PRMT7: variants seen among roughly 807,000 people sequenced by gnomAD.
PRMT7 encodes the protein protein arginine N-methyltransferase 7.
Under a neutral mutation model 85.4 loss-of-function variants are expected in PRMT7, and 75 were observed. The ratio of observed to expected loss-of-function variants is 0.88; its 90% CI spans 0.73 to 1.06. The LOEUF is 1.06. Ranked by LOEUF, PRMT7 falls within the 50% of genes least tolerant of loss-of-function variation. The pLI, the probability that PRMT7 is intolerant of heterozygous loss-of-function variation, is 0.00. For missense variants in PRMT7, 868 were observed against 915.2 expected, an observed-to-expected ratio of 0.95 and a Z score of 0.67; for synonymous variants, 397 against 359.5, an observed-to-expected ratio of 1.10 and a Z score of -1.18.
At chr16:68,347,609 A>G in intron 12 of PRMT7, 22 bp from the exon 13 acceptor site, 1 of 1,608,912 alleles carries the variant, frequency 6.2e-7, no homozygotes, top group Non-Finnish European at 8.5e-7. Context: ...TCTTACAACT[A>G]ATAGCGTGGT....
chr16:68,328,153 G>C, intron 5 of PRMT7: 2 of 303,602 alleles, frequency 6.6e-6, no homozygotes, highest in African/African-American at 2.2e-5. Flanking sequence ...AATCCTCCAC[G>C]CTGACTTCTG....
chr16:68,342,085 C>T (rs1488532673), intron 9 of PRMT7, among the ~76,000 whole-genome samples: 1 of 152,130 alleles, frequency 6.6e-6, no homozygotes, highest in Non-Finnish European at 1.5e-5. Context: ...CGAGACCAGC[C>T]TGGCCAACAT....
chr16:68,312,508 T>C (rs1019678192), intron 2 of PRMT7, among the ~76,000 whole-genome samples: 1 of 152,068 alleles, frequency 6.6e-6, no homozygotes. Context: ...AGTGCTGGGA[T>C]CACAGGTGTG....
chr16:68,356,812 C>G lies in PRMT7; in HGVS notation c.1908+15C>G. The G allele has an allele frequency of 6.3e-7, 1 of 1,595,712 alleles. No individual in the cohort carries two copies. Among genetic ancestry groups the G allele is most frequent in the Non-Finnish European group, 8.5e-7 (1 of 1,171,900 alleles). On this transcript the variant is annotated intron_variant, in intron 18 of 18. Transcript: ENST00000441236. ...CAGACCCCGAGGTAGTGCCTGCGCA[C>G]CGGGCCCAGTGTGCGTGCAGACCCT...
chr16:68,319,705 A>C (rs1244004689), intron 3 of PRMT7, among the ~76,000 whole-genome samples: 1 of 50,766 alleles, frequency 2.0e-5, no homozygotes, highest in Non-Finnish European at 3.8e-5. Flanking sequence ...TCTCAATAAG[A>C]GTGAGAGTGT....
chr16:68,348,169 T>C (rs889198181), intron 13 of PRMT7, among the ~76,000 whole-genome samples, 173 bp from the exon 14 acceptor site: 24 of 152,184 alleles, frequency 1.6e-4, no homozygotes, highest in Non-Finnish European at 3.2e-4. Flanking sequence ...TCATCCGTGG[T>C]CTATAGGATG....
In PRMT7 at chr16:68,341,877, C is replaced by G. The variant is rs958137873; in HGVS notation, c.927+1909C>G. Among the ~76,000 whole-genome samples the G allele has an allele frequency of 4.6e-5, 7 of 152,216 alleles. 1 individual carries two copies. The highest frequency in any genetic ancestry group is 1.5e-5 in the Non-Finnish European group (1 of 68,044). On this transcript the variant is annotated intron_variant, in intron 9 of 18. Coordinates refer to ENST00000441236, the MANE Select transcript of PRMT7 (RefSeq NM_019023.5). ...TCAGGGAAGGTTGCAGATCTTGTGA[C>G]CTAACAATGGCTTCACCTTAGCAGA... is the stretch of plus-strand genomic sequence containing the variant.
At chr16:68,356,957 C>T in intron 18 of PRMT7, 97 bp from the exon 19 acceptor site, 1 of 1,439,464 alleles carries the variant, frequency 6.9e-7, no homozygotes, top group Non-Finnish European at 9.4e-7. Context: ...CCCTGAGCAG[C>T]TTCTCTCTGC....
At position 68,357,848 on chromosome 16, in the gene PRMT7, C is replaced by A. The variant is rs2088877214; in HGVS notation, c.*624C>A. 6.6e-6 allele frequency: 1 copy of A among 152,484 alleles called. No homozygotes were observed. The highest frequency in any genetic ancestry group is 2.1e-4 in the South Asian group (1 of 4,840). 9.4% of individuals were successfully genotyped at this position (152,484 alleles called of 1,614,324 possible). Reference sequence around the variant, plus strand: ...TGGCCTGCCAGGACCTGAGACTGGACACAAGGCAGCTGTCCCAGAGCAGTT... The same window carrying A: ...TGGCCTGCCAGGACCTGAGACTGGAAACAAGGCAGCTGTCCCAGAGCAGTT... On this transcript the variant is annotated 3_prime_UTR_variant, in exon 19 of 19. Coordinates refer to ENST00000441236, the MANE Select transcript of PRMT7 (RefSeq NM_019023.5).
intron 3 of PRMT7, among the ~76,000 whole-genome samples, chr16:68,317,481 T>C (rs1279926725): frequency 6.6e-6 from 1 of 152,046 alleles, no homozygotes; most frequent in Non-Finnish European, 1.5e-5. Context: ...GGCAGGAGGA[T>C]TGCTTATGCC....
At chr16:68,356,517 G>A (rs545894514) in intron 17 of PRMT7, among the ~76,000 whole-genome samples, 184 bp from the exon 18 acceptor site, 19 of 152,368 alleles carry the variant, frequency 1.2e-4, no homozygotes, top group African/African-American at 4.6e-4. Context: ...TGGGGGCTTG[G>A]CTGCGGCTCT....
At chr16:68,344,328 G>A (rs907720494) in intron 9 of PRMT7, among the ~76,000 whole-genome samples, 1 of 152,124 alleles carries the variant, frequency 6.6e-6, no homozygotes, top group African/African-American at 2.4e-5. Context: ...AATTATGAGC[G>A]AAATAAACCT....
intron 6 of PRMT7, among the ~76,000 whole-genome samples, chr16:68,332,106 T>C (rs374047762): frequency 2.6e-4 from 40 of 152,358 alleles, no homozygotes; most frequent in African/African-American, 7.7e-4. Context: ...GCAGTTCAGA[T>C]TGATCCTTTC....
chr16:68,330,926 G>A (rs910468780), intron 6 of PRMT7, among the ~76,000 whole-genome samples: 4 of 152,142 alleles, frequency 2.6e-5, no homozygotes, highest in African/African-American at 7.2e-5. Context: ...ATACAATAGA[G>A]TGCTCAAATC....
At chr16:68,334,401 G>A (rs1389170297) in intron 6 of PRMT7, among the ~76,000 whole-genome samples, 1 of 152,128 alleles carries the variant, frequency 6.6e-6, no homozygotes, top group Non-Finnish European at 1.5e-5. Flanking sequence ...AACCACTGCC[G>A]CTTTGGTACT....
chr16:68,314,932 A>T (rs2044494435), intron 2 of PRMT7, among the ~76,000 whole-genome samples: 1 of 152,136 alleles, frequency 6.6e-6, no homozygotes, highest in Non-Finnish European at 1.5e-5. Context: ...TTTTAAAATT[A>T]AAATTTGAAT....
chr16:68,356,400 C>A (rs2151943391), intron 17 of PRMT7, among the ~76,000 whole-genome samples: 1 of 152,376 alleles, frequency 6.6e-6, no homozygotes, highest in Non-Finnish European at 1.5e-5. Context: ...ATCAGAGGGG[C>A]CTTCCGGCCT....
chr16:68,328,929 G>A (rs554816938), intron 5 of PRMT7, 137 bp from the exon 6 acceptor site: 63 of 589,276 alleles, frequency 1.1e-4, no homozygotes, highest in African/African-American at 9.8e-4. Context: ...CCTTTTTCAT[G>A]ATGCACATTT....
chr16:68,314,360 A>G (rs2044396728), intron 2 of PRMT7, among the ~76,000 whole-genome samples: 1 of 152,188 alleles, frequency 6.6e-6, no homozygotes, highest in South Asian at 2.1e-4. Context: ...CCTCCTGAGT[A>G]GCTGGGAATA....
Sources: gnomAD v4.1 joint callset for allele counts (sites outside exome capture counted in the v4.1 genomes callset) on GRCh38, gnomAD v4.1.1 for gene constraint, MANE v1.5 for transcripts, NCBI Gene and HGNC (gene_info 2026-07-23, HGNC 2026-07-21) for gene names.